ADAT2: variants seen among roughly 807,000 people sequenced by gnomAD.
ADAT2 encodes adenosine deaminase tRNA specific 2, also known as tRNA-specific adenosine-34 deaminase catalytic subunit ADAT2.
Under a neutral mutation model 25.9 loss-of-function variants are expected in ADAT2, and 26 were observed. That is an observed-to-expected ratio of 1.00 (90% CI 0.74 to 1.39). The LOEUF (loss-of-function observed/expected upper bound fraction) is 1.39, where lower values mean the gene tolerates loss of function less well. Ranked by LOEUF, ADAT2 falls within the 40% of genes most tolerant of loss-of-function variation. ADAT2 has a pLI of 0.00. For synonymous variants in ADAT2, 76 were observed against 86.8 expected (o/e 0.88, Z 0.69); for missense variants, 220 against 244.8 (o/e 0.90, Z 0.68).
intron 1 of ADAT2, chr6:143,441,696 C>A (rs1214550871): frequency 6.6e-6 from 1 of 152,208 alleles, no homozygotes; most frequent in Non-Finnish European, 1.5e-5. Context: ...TCAATTTCAA[C>A]ATGAAATTTG....
At chr6:143,435,300 GAAA>G (rs942648032) in intron 2 of ADAT2, among the ~76,000 whole-genome samples, 1 of 151,776 alleles carries the variant, frequency 6.6e-6, no homozygotes, top group African/African-American at 2.4e-5. Context: ...TACTACTAAA[GAAA>G]AAGAAGCTAA....
rs900742509 is a variant in ADAT2 at position 143,427,970 on chromosome 6, A to C, written c.*493T>G. The stretch of plus-strand genomic sequence containing the variant: ...TATAATTATGGTCTCTATATACACA[A>C]CTTATATACAATTTAGAGAGAAGTC... On this transcript the variant is annotated 3_prime_UTR_variant, in exon 6 of 6. Coordinates refer to ENST00000237283, the MANE Select transcript of ADAT2 (RefSeq NM_182503.3). 1 of 159,542 alleles carries C rather than the reference A, an allele frequency of 6.3e-6. No homozygotes were observed. The highest frequency in any genetic ancestry group is 5.9e-5 in the Admixed American group (1 of 17,014). The allele number at this position is 159,542 out of a possible 1,614,324, so 9.9% of individuals were successfully genotyped here.
intron 4 of ADAT2, among the ~76,000 whole-genome samples, chr6:143,430,572 T>G (rs546214728): frequency 1.3e-5 from 1 of 78,632 alleles, no homozygotes; most frequent in Admixed American, 1.4e-4. Context: ...TCATAATAAT[T>G]TTTTTTTTTG....
chr6:143,427,302 T>C lies in ADAT2; in HGVS notation c.*1161A>G, dbSNP rs764025545. Reference sequence around the variant, plus strand: ...ACAGAACCAACAAATACAGATGCTTTGCATCAAGGAAATGAATCTACTGAA... The same window carrying C: ...ACAGAACCAACAAATACAGATGCTTCGCATCAAGGAAATGAATCTACTGAA... On this transcript the variant is annotated 3_prime_UTR_variant, in exon 6 of 6. Coordinates refer to ENST00000237283, the MANE Select transcript of ADAT2 (RefSeq NM_182503.3). 6.6e-6 allele frequency: 1 copy of C among 152,620 alleles called. No individual in the cohort carries two copies. Among genetic ancestry groups the C allele is most frequent in the Non-Finnish European group, 1.5e-5 (1 of 68,044 alleles). The allele number at this position is 152,620 out of a possible 1,614,324, so 9.5% of individuals were successfully genotyped here. A position where few individuals can be genotyped will look rare whatever the true frequency, so the allele number is the denominator to read the frequency against.
At chr6:143,430,563 CATA>C (rs1163196978) in intron 4 of ADAT2, among the ~76,000 whole-genome samples, 1 of 140,534 alleles carries the variant, frequency 7.1e-6, no homozygotes, top group African/African-American at 2.6e-5. Flanking sequence ...AGCAAACATT[CATA>C]ATAATTTTTT....
In ADAT2 at chr6:143,427,015, G is replaced by A. The variant is rs144161687; in HGVS notation, c.*1448C>T. 1 of 151,900 alleles carries A rather than the reference G, an allele frequency of 6.6e-6. No homozygotes were observed. Among genetic ancestry groups the A allele is most frequent in the African/African-American group, 2.4e-5 (1 of 41,374 alleles). The allele number at this position is 151,900 out of a possible 1,614,324, so 9.4% of individuals were successfully genotyped here. On this transcript the variant is annotated 3_prime_UTR_variant, in exon 6 of 6. Coordinates refer to ENST00000237283, the MANE Select transcript of ADAT2 (RefSeq NM_182503.3). ...TCAATGAGAAGATAATTTTTAAAGT[G>A]GATGAAATTGAAGGTGCATGTAACA...
rs550237525 is a variant in ADAT2 at position 143,423,085 on chromosome 6, T to C, written c.*5378A>G. The C allele has an allele frequency of 1.3e-5, 2 of 152,316 alleles. No individual in the cohort carries two copies. Among genetic ancestry groups the C allele is most frequent in the South Asian group, 4.1e-4 (2 of 4,824 alleles). 9.4% of individuals were successfully genotyped at this position (152,316 alleles called of 1,614,324 possible). A position where few individuals can be genotyped will look rare whatever the true frequency, so the allele number is the denominator to read the frequency against. Reference sequence around the variant, plus strand: ...ATCATTCGGTTCCAATCACAGAATTTGAACAAGCAGCTTCCAATCTCAGCC... The same window carrying C: ...ATCATTCGGTTCCAATCACAGAATTCGAACAAGCAGCTTCCAATCTCAGCC... On this transcript the variant is annotated 3_prime_UTR_variant, in exon 6 of 6. Coordinates refer to ENST00000237283, the MANE Select transcript of ADAT2 (RefSeq NM_182503.3).
Position 143,436,536 on chromosome 6 carries a change from G to T in ADAT2, c.201+2054C>A. 1 of 390,914 alleles carries T rather than the reference G, an allele frequency of 2.6e-6. No homozygotes were observed. 24.2% of individuals were successfully genotyped at this position (390,914 alleles called of 1,614,324 possible). On this transcript the variant is annotated intron_variant, in intron 2 of 5. Coordinates refer to ENST00000237283, the MANE Select transcript of ADAT2 (RefSeq NM_182503.3). This position sits in a 1 kb window ranked among gnomAD's most constrained non-coding sequence, Gnocchi z 4.1. ...ACGTCTCAGAGCAGTTCACAGCCAT[G>T]TTCAGGTGCAAGGCCTTCCTGCACT...
rs1287539711 is a variant in ADAT2 at position 143,443,069 on chromosome 6, T to A, written c.97-4375A>T. ...TTGATCCAGGACTAATTTAAGCATT[T>A]TATAAGTATTAATTCATTTCATTTA... On this transcript the variant is annotated intron_variant, in intron 1 of 5. Coordinates refer to ENST00000237283, the MANE Select transcript of ADAT2 (RefSeq NM_182503.3). Among the ~76,000 whole-genome samples the A allele has an allele frequency of 3.3e-5, 5 of 152,298 alleles. No homozygotes were observed. The East Asian group carries it at 9.6e-4, about 29-fold the overall frequency.
rs1362727274 is a variant in ADAT2, at chr6:143,432,566, C to G, written c.398G>C (p.Gly133Ala). ...GGCAATATTTAGAACAGAGCCACAACCACCAAATCGTTCATTCTGACAGCC... is the reference window on the plus strand; with the variant it reads ...GGCAATATTTAGAACAGAGCCACAAGCACCAAATCGTTCATTCTGACAGCC... The part of the protein sequence containing the change: ...VYGCQNERFG[G>A]CGSVLNIASA... The change falls in exon 4 of 6, where the codon GGT becomes GCT. Residue 133 changes from glycine (G) to alanine (A), a missense_variant. Transcript: ENST00000237283. This position sits in a 1 kb window ranked among gnomAD's most constrained non-coding sequence, Gnocchi z 4.4. 6.2e-7 allele frequency: 1 copy of G among 1,614,210 alleles called. No individual in the cohort carries two copies.
rs1216043330 is a variant in ADAT2 at position 143,424,121 on chromosome 6, AC to A, written c.*4341del. On this transcript the variant is annotated 3_prime_UTR_variant, in exon 6 of 6. Transcript: ENST00000237283. The surrounding 1 kb of genome is among the most constrained non-coding windows in gnomAD (Gnocchi z 4.8). ...AGATGTCAAACTTTCAGCAGAACTC[AC>A]CAGTCTAATCCATAAAAATCACGTC... is the stretch of plus-strand genomic sequence containing the variant. The A allele has an allele frequency of 6.6e-6, 1 of 152,100 alleles. No homozygotes were observed. The highest frequency in any genetic ancestry group is 2.4e-5 in the African/African-American group (1 of 41,412). 9.4% of individuals were successfully genotyped at this position (152,100 alleles called of 1,614,324 possible).
rs1278109092 is a variant in ADAT2, at chr6:143,427,243, T to C, written c.*1220A>G. ...ATTACATTCCAGCCTGTAATGTAAT[T>C]CAAAACAAACAAGTCAGAGACATCG... On this transcript the variant is annotated 3_prime_UTR_variant, in exon 6 of 6. Coordinates refer to ENST00000237283, the MANE Select transcript of ADAT2 (RefSeq NM_182503.3). 1 of 152,506 alleles carries C rather than the reference T, an allele frequency of 6.6e-6. No homozygotes were observed. Among genetic ancestry groups the C allele is most frequent in the Non-Finnish European group, 1.5e-5 (1 of 68,032 alleles). The allele number at this position is 152,506 out of a possible 1,614,324, so 9.4% of individuals were successfully genotyped here. A position where few individuals can be genotyped will look rare whatever the true frequency, so the allele number is the denominator to read the frequency against.
chr6:143,433,590 C>G (rs1474937862), intron 3 of ADAT2, among the ~76,000 whole-genome samples: 8 of 152,236 alleles, frequency 5.3e-5, no homozygotes, highest in Admixed American at 2.6e-4. Flanking sequence ...CTGTTTAAGA[C>G]AGTTCTAATA....
chr6:143,445,273 T>C (rs1175185061), intron 1 of ADAT2, among the ~76,000 whole-genome samples: 2 of 151,956 alleles, frequency 1.3e-5, no homozygotes, highest in Non-Finnish European at 2.9e-5. Context: ...TTTAGGTTAT[T>C]AACCTTTTCA....
rs748939731 is a variant in ADAT2, at chr6:143,428,703, T to A, written c.460-19A>T. 1 of 1,612,478 alleles carries A rather than the reference T, an allele frequency of 6.2e-7. No homozygotes were observed. The highest frequency in any genetic ancestry group is 8.5e-7 in the Non-Finnish European group (1 of 1,178,892). On this transcript the variant is annotated intron_variant, in intron 4 of 5. Coordinates refer to ENST00000237283, the MANE Select transcript of ADAT2 (RefSeq NM_182503.3). The surrounding 1 kb of genome is among the most constrained non-coding windows in gnomAD (Gnocchi z 5.0). ...GGATACACTGATGGAATGAGAAAGT[T>A]GAGAATAAACATAGGCCTATGAAAA...
At chr6:143,439,635 C>G (rs79159077) in intron 1 of ADAT2, among the ~76,000 whole-genome samples, 1,870 of 152,182 alleles carry the variant, frequency 0.012, 41 homozygotes, top group African/African-American at 0.042. Context: ...ATAGATAAAA[C>G]TAAACTACAA....
rs1779607861 is a variant in ADAT2, at chr6:143,446,630, CT to C, written c.96+3932del. 6.6e-6 allele frequency among the ~76,000 whole-genome samples: 1 copy of C among 151,748 alleles called. No individual in the cohort carries two copies. The highest frequency in any genetic ancestry group is 1.5e-5 in the Non-Finnish European group (1 of 67,920). On this transcript the variant is annotated intron_variant, in intron 1 of 5. Transcript: ENST00000237283. This position sits in a 1 kb window ranked among gnomAD's most constrained non-coding sequence, Gnocchi z 5.0. ...GATACACAGTATTCAGGTAAAGAAA[CT>C]GAAAAGGAAGAAAGAGAGCAGAGGA...
In ADAT2 at chr6:143,427,096, AACACACACAC is replaced by A. The variant is rs68003531; in HGVS notation, c.*1357_*1366del. The A allele has an allele frequency of 2.8e-3, 386 of 140,286 alleles. No homozygotes were observed. The highest frequency in any genetic ancestry group is 3.9e-3 in the Non-Finnish European group (252 of 64,892). 8.7% of individuals were successfully genotyped at this position (140,286 alleles called of 1,614,324 possible). On this transcript the variant is annotated 3_prime_UTR_variant, in exon 6 of 6. Coordinates refer to ENST00000237283, the MANE Select transcript of ADAT2 (RefSeq NM_182503.3). ...CCATAAAACTTTTCAAATGCAGTTAAACACACACACACACACACACACACACACACACACA... is the reference window on the plus strand; with the variant it reads ...CCATAAAACTTTTCAAATGCAGTTAAACACACACACACACACACACACACA...
chr6:143,424,955 A>C lies in ADAT2; in HGVS notation c.*3508T>G, dbSNP rs1189114885. The stretch of plus-strand genomic sequence containing the variant: ...TAACTATATAGTGAAGGAATAGGAC[A>C]ACACCTTGACCAGATGACCAAAATT... On this transcript the variant is annotated 3_prime_UTR_variant, in exon 6 of 6. Transcript: ENST00000237283. The surrounding 1 kb of genome is among the most constrained non-coding windows in gnomAD (Gnocchi z 4.8). 2.0e-5 allele frequency: 3 copies of C among 152,234 alleles called. No individual in the cohort carries two copies. The highest frequency in any genetic ancestry group is 4.4e-5 in the Non-Finnish European group (3 of 68,042). 9.4% of individuals were successfully genotyped at this position (152,234 alleles called of 1,614,324 possible). A position where few individuals can be genotyped will look rare whatever the true frequency, so the allele number is the denominator to read the frequency against.
Sources: allele counts gnomAD v4.1 joint callset (sites outside exome capture counted in the v4.1 genomes callset), GRCh38; gene constraint gnomAD v4.1.1; non-coding constraint Gnocchi (gnomAD v3.1); transcripts MANE v1.5; gene names NCBI Gene and HGNC (gene_info 2026-07-23, HGNC 2026-07-21).